EXOC6: variants seen among roughly 807,000 people sequenced by gnomAD.
EXOC6 encodes the protein SEC15-like 1.
A neutral mutation model predicts 112.5 loss-of-function variants in EXOC6; 60 were observed. That is an observed-to-expected ratio of 0.53 (90% CI 0.43 to 0.66). The LOEUF (loss-of-function observed/expected upper bound fraction) is 0.66, where lower values mean the gene tolerates loss of function less well. EXOC6 is among the 30% of genes least tolerant of loss of function. EXOC6 has a pLI of 0.00. For synonymous variants in EXOC6, 295 were observed against 308.0 expected (o/e 0.96, Z 0.44); for missense variants, 855 against 957.1 (o/e 0.89, Z 1.41).
intron 8 of EXOC6, among the ~76,000 whole-genome samples, chr10:92,927,975 A>G (rs1480528986): frequency 2.0e-5 from 3 of 152,212 alleles, no homozygotes; most frequent in African/African-American, 7.2e-5. Flanking sequence ...CTCATGTTAC[A>G]CATAGGGCCT....
chr10:92,985,175 A>G (rs930977036), intron 18 of EXOC6, among the ~76,000 whole-genome samples: 4 of 151,746 alleles, frequency 2.6e-5, no homozygotes, highest in Admixed American at 6.6e-5. Flanking sequence ...ATATTCTTTC[A>G]TTAGGGTAAT....
intron 9 of EXOC6, among the ~76,000 whole-genome samples, chr10:92,931,958 G>A (rs1187778059): frequency 3.9e-5 from 6 of 152,104 alleles, no homozygotes; most frequent in Non-Finnish European, 7.4e-5. Flanking sequence ...AAATGAAAAT[G>A]TATCTTTATA....
chr10:92,905,767 A>C (rs74149170), intron 5 of EXOC6, among the ~76,000 whole-genome samples: 1 of 151,950 alleles, frequency 6.6e-6, no homozygotes, highest in South Asian at 2.1e-4. Flanking sequence ...CCAGAATGTG[A>C]TCTGTCTTGA....
At position 93,007,858 on chromosome 10, in the gene EXOC6, T is replaced by A. The variant is rs147711496; in HGVS notation, c.2096-6336T>A. Among the ~76,000 whole-genome samples, 513 of 152,264 alleles carry A rather than the reference T, an allele frequency of 3.4e-3. 3 individuals carry two copies. The highest frequency in any genetic ancestry group is 0.012 in the African/African-American group (487 of 41,558). On this transcript the variant is annotated intron_variant, in intron 19 of 21. Coordinates refer to ENST00000260762, the MANE Select transcript of EXOC6 (RefSeq NM_019053.6). ...TTCCCAATAAGATCAGACACCTCCT[T>A]CTCTAATCTAAGAATATTTGAAAAC...
intron 1 of EXOC6, among the ~76,000 whole-genome samples, chr10:92,882,597 A>G (rs1393787273): frequency 6.6e-6 from 1 of 151,558 alleles, no homozygotes; most frequent in Non-Finnish European, 1.5e-5. Context: ...TTTGTTGTTT[A>G]AAAGAAAATA....
At chr10:92,996,454 G>A (rs835241) in intron 18 of EXOC6, among the ~76,000 whole-genome samples, 55,843 of 151,914 alleles carry the variant, frequency 0.37, 12,670 homozygotes, top group African/African-American at 0.64. Flanking sequence ...TGTCTCTACT[G>A]AAAACACAAA....
intron 1 of EXOC6, among the ~76,000 whole-genome samples, chr10:92,880,689 G>T (rs115769299): frequency 6.6e-6 from 1 of 151,988 alleles, no homozygotes; most frequent in South Asian, 2.1e-4. Context: ...GTAATGGGAA[G>T]GTTATCCAGT....
At chr10:92,987,879 A>T (rs747645202) in intron 18 of EXOC6, among the ~76,000 whole-genome samples, 2 of 152,152 alleles carry the variant, frequency 1.3e-5, no homozygotes, top group Non-Finnish European at 2.9e-5. Flanking sequence ...ATGCATCTTA[A>T]TATTAAGGTG....
chr10:92,837,032 A>G (rs1453343638), intron 1 of EXOC6, among the ~76,000 whole-genome samples: 1 of 151,882 alleles, frequency 6.6e-6, no homozygotes, highest in African/African-American at 2.4e-5. Context: ...TATAAAGGTT[A>G]CTAAGATATA....
chr10:92,869,949 CTTTTT>C (rs34082304), intron 1 of EXOC6, among the ~76,000 whole-genome samples: 1 of 100,014 alleles, frequency 1.0e-5, no homozygotes, highest in Non-Finnish European at 2.0e-5. Context: ...GGCTTGTGGG[CTTTTT>C]TTTTTTTTTT....
chr10:92,957,431 C>G lies in EXOC6; in HGVS notation c.1773+1717C>G, dbSNP rs117556810. On this transcript the variant is annotated intron_variant, in intron 17 of 21. Transcript: ENST00000260762. ...GTTCTTAGATTAGGGGATCTTGGAA[C>G]TGCTTTTCTCAAAATCTGCCTGTTG... 1.6e-4 allele frequency among the ~76,000 whole-genome samples: 25 copies of G among 152,228 alleles called. No homozygotes were observed. The East Asian group carries it at 4.6e-3, about 28-fold the overall frequency.
chr10:92,955,643 A>G lies in EXOC6; in HGVS notation c.1702A>G (p.Ile568Val). 1 of 1,611,086 alleles carries G rather than the reference A, an allele frequency of 6.2e-7. No individual in the cohort carries two copies. Among genetic ancestry groups the G allele is most frequent in the Non-Finnish European group, 8.5e-7 (1 of 1,177,726 alleles). The change falls in exon 17 of 22, where the codon ATA (isoleucine) becomes GTA (valine). Residue 568 changes from isoleucine to valine, a missense_variant. By Grantham distance (29) the Ile-to-Val change is conservative. Transcript: ENST00000260762. ...EQACKYLEDF[I>V]TNITNISQET... ...AGCTTGTAAATATCTTGAGGACTTT[A>G]TAACTAACATTACAAATATTTCCCA... is the stretch of plus-strand genomic sequence containing the variant.
At chr10:92,918,787 T>C (rs1422161347) in intron 7 of EXOC6, among the ~76,000 whole-genome samples, 1 of 152,138 alleles carries the variant, frequency 6.6e-6, no homozygotes, top group African/African-American at 2.4e-5. Flanking sequence ...GTCACACAAA[T>C]ATATATGTAG....
intron 19 of EXOC6, among the ~76,000 whole-genome samples, chr10:93,002,689 T>C (rs1379733692): frequency 6.6e-6 from 1 of 152,218 alleles, no homozygotes; most frequent in Non-Finnish European, 1.5e-5. Context: ...TGAATCTAAC[T>C]CACAGTTTGG....
intron 1 of EXOC6, among the ~76,000 whole-genome samples, chr10:92,838,052 A>T (rs1846719660): frequency 6.6e-6 from 1 of 152,114 alleles, no homozygotes; most frequent in African/African-American, 2.4e-5. Context: ...GGCCAGGTGG[A>T]GTTTGCTCCC....
At chr10:92,927,920 G>C (rs61862287) in intron 8 of EXOC6, among the ~76,000 whole-genome samples, 3,337 of 152,252 alleles carry the variant, frequency 0.022, 58 homozygotes, top group African/African-American at 0.041. Context: ...GATATATTGA[G>C]AGTGAAAGAG....
intron 5 of EXOC6, among the ~76,000 whole-genome samples, chr10:92,905,995 T>A (rs967059210): frequency 6.6e-6 from 1 of 152,124 alleles, no homozygotes; most frequent in African/African-American, 2.4e-5. Context: ...TTCTGTTAGT[T>A]TTTGCTTCAC....
chr10:93,049,185 G>C (rs995948514), intron 20 of EXOC6, among the ~76,000 whole-genome samples: 1 of 152,020 alleles, frequency 6.6e-6, no homozygotes, highest in African/African-American at 2.4e-5. Context: ...AGCCTCCTGA[G>C]TAGCTGGGAC....
chr10:92,904,032 T>G (rs1850314759), intron 5 of EXOC6, among the ~76,000 whole-genome samples: 1 of 152,048 alleles, frequency 6.6e-6, no homozygotes, highest in South Asian at 2.1e-4. Context: ...TTCCAGAATG[T>G]CAGATAGTTG....
Sources: allele counts gnomAD v4.1 joint callset (sites outside exome capture counted in the v4.1 genomes callset), GRCh38; gene constraint gnomAD v4.1.1; transcripts MANE v1.5; gene names NCBI Gene and HGNC (gene_info 2026-07-23, HGNC 2026-07-21).